Variants in NRXN1 observed in about 807,000 individuals in gnomAD.
The protein encoded by NRXN1 is neurexin 1, also known as neurexin-1.
A neutral mutation model predicts 150.9 loss-of-function variants in NRXN1; 39 were observed. That is an observed-to-expected ratio of 0.26 (90% CI 0.20 to 0.34). The LOEUF is 0.34. NRXN1 is among the 10% of genes least tolerant of loss of function. NRXN1 has a pLI of 1.00. For missense variants in NRXN1, 1,815 were observed against 1,949.9 expected (o/e 0.93, Z 1.30); for synonymous variants, 924 against 757.0 (o/e 1.22, Z -3.62).
intron 2 of NRXN1, among the ~76,000 whole-genome samples, chr2:51,010,022 G>T (rs989332557): frequency 6.6e-6 from 1 of 151,758 alleles, no homozygotes; most frequent in Non-Finnish European, 1.5e-5. Context: ...AGGTTACTGT[G>T]GTATTCTCTT....
chr2:50,433,881 C>CT (rs2085189762), intron 17 of NRXN1, among the ~76,000 whole-genome samples: 2 of 151,890 alleles, frequency 1.3e-5, no homozygotes, highest in Admixed American at 1.3e-4. Flanking sequence ...AGAGCTTTTG[C>CT]TTTTTTTCTC....
intron 21 of NRXN1, among the ~76,000 whole-genome samples, chr2:49,963,746 C>A (rs1341340837): frequency 6.6e-6 from 1 of 152,182 alleles, no homozygotes; most frequent in Non-Finnish European, 1.5e-5. Context: ...CAGGCAGTTT[C>A]TCAATTACTT....
chr2:49,979,317 A>G (rs1679568144), intron 21 of NRXN1, among the ~76,000 whole-genome samples: 1 of 152,174 alleles, frequency 6.6e-6, no homozygotes, highest in African/African-American at 2.4e-5. Context: ...AAAAACTTAG[A>G]GGGAGGGGAA....
At chr2:50,499,158 C>A (rs574199776) in intron 13 of NRXN1, among the ~76,000 whole-genome samples, 160 of 152,214 alleles carry the variant, frequency 1.1e-3, no homozygotes, top group African/African-American at 3.7e-3. Context: ...GCAACAAAAA[C>A]TGTTTATATG....
chr2:50,778,756 T>C (rs1338399496), intron 5 of NRXN1, among the ~76,000 whole-genome samples: 1 of 152,164 alleles, frequency 6.6e-6, no homozygotes, highest in Admixed American at 6.5e-5. Context: ...CAAATGTGCA[T>C]ATGTTTGTGC....
At chr2:50,456,197 G>A (rs2087541677) in intron 17 of NRXN1, among the ~76,000 whole-genome samples, 1 of 151,986 alleles carries the variant, frequency 6.6e-6, no homozygotes, top group Non-Finnish European at 1.5e-5. Flanking sequence ...ATTCTTCTAT[G>A]GTAGCTGAAC....
chr2:50,142,840 G>C (rs1707469570), intron 18 of NRXN1, among the ~76,000 whole-genome samples: 1 of 151,712 alleles, frequency 6.6e-6, no homozygotes, highest in South Asian at 2.1e-4. Context: ...ACAACAGACT[G>C]AGCAAAAGCA....
At chr2:50,307,371 T>A (rs2074723513) in intron 17 of NRXN1, among the ~76,000 whole-genome samples, 1 of 152,116 alleles carries the variant, frequency 6.6e-6, no homozygotes, top group Admixed American at 6.6e-5. Context: ...AGAAGGAGCT[T>A]AACTTTTTGT....
In NRXN1 at chr2:50,346,870, G is replaced by GCGC. The variant is rs750165040; in HGVS notation, c.3365-109903_3365-109901dup. 1,027 of 1,366,766 alleles carry GCGC rather than the reference G, an allele frequency of 7.5e-4. 1 individual carries two copies. The highest frequency in any genetic ancestry group is 6.6e-3 in the Middle Eastern group (28 of 4,232). The allele number at this position is 1,366,766 out of a possible 1,614,324, so 84.7% of individuals were successfully genotyped here. A position where few individuals can be genotyped will look rare whatever the true frequency, so the allele number is the denominator to read the frequency against. On this transcript the variant is annotated intron_variant, in intron 17 of 22. Coordinates refer to ENST00000401669, the MANE Select transcript of NRXN1 (RefSeq NM_001330078.2). This position sits in a 1 kb window ranked among gnomAD's most constrained non-coding sequence, Gnocchi z 5.0. ...CCAAAGCAGGGCCAGGCGCCCCCCTGCGCCGCCGCCGCCGCCGCCGCCGCC... is the reference window on the plus strand; with the variant it reads ...CCAAAGCAGGGCCAGGCGCCCCCCTGCGCCGCCGCCGCCGCCGCCGCCGCCGCC...
chr2:50,777,262 T>C (rs910808108), intron 5 of NRXN1, among the ~76,000 whole-genome samples: 2 of 152,146 alleles, frequency 1.3e-5, no homozygotes, highest in African/African-American at 4.8e-5. Context: ...TTTAATTTCT[T>C]TTAGCAAATG....
intron 5 of NRXN1, among the ~76,000 whole-genome samples, chr2:50,909,169 C>T (rs1684174890): frequency 6.6e-6 from 1 of 151,942 alleles, no homozygotes; most frequent in Admixed American, 6.6e-5. Flanking sequence ...ATCAGCAAAA[C>T]AACATGCAGA....
At chr2:50,088,964 T>C (rs900062481) in intron 19 of NRXN1, among the ~76,000 whole-genome samples, 1 of 152,148 alleles carries the variant, frequency 6.6e-6, no homozygotes, top group Admixed American at 6.5e-5. Context: ...TAAAATGCAA[T>C]GATGTTTGGC....
chr2:50,548,183 A>G (rs1386294343), intron 9 of NRXN1: 3 of 152,112 alleles, frequency 2.0e-5, no homozygotes, highest in Non-Finnish European at 4.4e-5. Context: ...AGGAGTTACC[A>G]CCTTCCTTCT....
intron 18 of NRXN1, among the ~76,000 whole-genome samples, chr2:50,159,783 T>C (rs968775439): frequency 2.0e-5 from 3 of 152,114 alleles, no homozygotes; most frequent in Non-Finnish European, 2.9e-5. Flanking sequence ...GATGTTCCAA[T>C]GATATGGAAT....
At chr2:50,568,985 T>C (rs1670260807) in intron 8 of NRXN1, among the ~76,000 whole-genome samples, 1 of 152,146 alleles carries the variant, frequency 6.6e-6, no homozygotes. Flanking sequence ...GATTCTGTCA[T>C]TTGTAACAAC....
chr2:50,515,901 T>C (rs1342058108), intron 12 of NRXN1, among the ~76,000 whole-genome samples: 1 of 152,094 alleles, frequency 6.6e-6, no homozygotes, highest in Non-Finnish European at 1.5e-5. Context: ...AGAGGATATG[T>C]TTCCCAGGTT....
At chr2:50,546,180 G>C (rs2093489986) in intron 9 of NRXN1, among the ~76,000 whole-genome samples, 2 of 152,094 alleles carry the variant, frequency 1.3e-5, no homozygotes, top group South Asian at 4.1e-4. Flanking sequence ...CATGGATTCT[G>C]AACAAGAAGA....
chr2:50,861,859 T>C (rs775502987), intron 5 of NRXN1, among the ~76,000 whole-genome samples: 2 of 152,054 alleles, frequency 1.3e-5, no homozygotes, highest in Non-Finnish European at 2.9e-5. Flanking sequence ...AGTGTATTAA[T>C]AGATTGTTTA....
intron 18 of NRXN1, among the ~76,000 whole-genome samples, chr2:50,124,625 C>G (rs1041488908): frequency 6.6e-6 from 1 of 152,064 alleles, no homozygotes; most frequent in South Asian, 2.1e-4. Flanking sequence ...CCCTGCTGTG[C>G]TCAGTTCCCT....
Sources: allele counts gnomAD v4.1 joint callset (sites outside exome capture counted in the v4.1 genomes callset), GRCh38; gene constraint gnomAD v4.1.1; non-coding constraint Gnocchi (gnomAD v3.1); transcripts MANE v1.5; gene names NCBI Gene and HGNC (gene_info 2026-07-23, HGNC 2026-07-21).